The following MICAL2 variants were observed in gnomAD, a reference collection of about 807,000 sequenced individuals.
The protein encoded by MICAL2 is microtubule associated monooxygenase, calponin and LIM domain containing 2.
In MICAL2, 77 loss-of-function variants were observed where a neutral mutation model predicts 127.3. That is an observed-to-expected ratio of 0.60 (90% CI 0.50 to 0.73). MICAL2 has a LOEUF of 0.73. MICAL2 is among the 30% of genes least tolerant of loss of function. MICAL2 has a pLI of 0.00. For synonymous variants in MICAL2, 570 were observed against 551.1 expected, an observed-to-expected ratio of 1.03 and a Z score of -0.48; for missense variants, 1,351 against 1,434.4, an observed-to-expected ratio of 0.94 and a Z score of 0.94.
In MICAL2 at chr11:12,269,940, G is replaced by C. The variant is rs185210108; in HGVS notation, c.3335-6046G>C. Among the ~76,000 whole-genome samples the C allele has an allele frequency of 2.0e-5, 3 of 152,324 alleles. No individual in the cohort carries two copies. In the East Asian group the frequency reaches 5.8e-4, roughly 29 times the overall value. On this transcript the variant is annotated intron_variant, in intron 24 of 34. Transcript: ENST00000646065. ...GAGGCCGAAGATTGCCCATCAATTG[G>C]TTCACCCCCTGAAGATCCGTGGACT...
intron 32 of MICAL2, among the ~76,000 whole-genome samples, chr11:12,338,716 C>G (rs1938809620): frequency 1.3e-5 from 2 of 152,130 alleles, no homozygotes; most frequent in Admixed American, 6.6e-5. Flanking sequence ...ACTTATGAAG[C>G]TTAGTTTGGC....
chr11:12,342,363 A>G (rs964870489), intron 32 of MICAL2, among the ~76,000 whole-genome samples: 2 of 152,236 alleles, frequency 1.3e-5, no homozygotes, highest in African/African-American at 4.8e-5. Context: ...AGAAGTGCGG[A>G]TGATCTACGC....
chr11:12,291,429 TAGA>T (rs1289505449), downstream of MICAL2, among the ~76,000 whole-genome samples: 2 of 152,152 alleles, frequency 1.3e-5, no homozygotes, highest in Non-Finnish European at 2.9e-5. Context: ...CTAAGCAGAC[TAGA>T]TGATCTCAGC....
intron 26 of MICAL2, chr11:12,260,341 C>CCTT (rs1862934151): frequency 2.1e-6 from 3 of 1,403,336 alleles, no homozygotes; most frequent in Non-Finnish European, 2.8e-6. Context: ...TCAGGGTGAA[C>CCTT]ATCTACTCAC....
At chr11:12,351,836 G>T (rs1193508653) in intron 33 of MICAL2, among the ~76,000 whole-genome samples, 1 of 151,794 alleles carries the variant, frequency 6.6e-6, no homozygotes, top group East Asian at 1.9e-4. Flanking sequence ...TTTCACCCTG[G>T]CTGGAGTGCA....
At chr11:12,221,866 TC>T in intron 10 of MICAL2, 107 bp downstream of exon 10, 1 of 769,404 alleles carries the variant, frequency 1.3e-6, no homozygotes, top group Non-Finnish European at 2.1e-6. Context: ...AGCCTCTGCC[TC>T]CTCCATTCTA....
chr11:12,222,780 G>C, intron 11 of MICAL2, 37 bp downstream of exon 11: 1 of 1,612,282 alleles, frequency 6.2e-7, no homozygotes, highest in Non-Finnish European at 8.5e-7. Context: ...GAATCACTCT[G>C]CACTGAACAG....
At chr11:12,150,387 A>AAGG (rs1853435581) in intron 2 of MICAL2, among the ~76,000 whole-genome samples, 2 of 152,012 alleles carry the variant, frequency 1.3e-5, no homozygotes, top group Admixed American at 6.6e-5. Flanking sequence ...TGACCGTACC[A>AAGG]CTGCTCTCCA....
At chr11:12,228,830 T>G (rs1334671013) in intron 15 of MICAL2, among the ~76,000 whole-genome samples, 1 of 151,584 alleles carries the variant, frequency 6.6e-6, no homozygotes, top group East Asian at 1.9e-4. Flanking sequence ...AGGACTGGAG[T>G]GGGGAGTTCC....
intron 2 of MICAL2, among the ~76,000 whole-genome samples, chr11:12,283,370 C>T (rs1358732087): frequency 6.8e-6 from 1 of 146,430 alleles, no homozygotes; most frequent in Admixed American, 6.9e-5. Flanking sequence ...AAAGACTCTA[C>T]GTTGGTCCAG....
chr11:12,142,584 CA>C (rs757937246), intron 2 of MICAL2, among the ~76,000 whole-genome samples: 3 of 152,210 alleles, frequency 2.0e-5, no homozygotes, highest in Non-Finnish European at 4.4e-5. Context: ...GCACATAAAC[CA>C]GAATGGAAAC....
downstream of MICAL2, among the ~76,000 whole-genome samples, chr11:12,291,820 A>G (rs1414433194): frequency 1.3e-5 from 2 of 152,172 alleles, no homozygotes; most frequent in East Asian, 3.9e-4. Context: ...TGGTTTTAGG[A>G]TGCTCTTTGG....
At chr11:12,356,748 G>T (rs1939134739) in intron 34 of MICAL2, among the ~76,000 whole-genome samples, 2 of 152,208 alleles carry the variant, frequency 1.3e-5, no homozygotes, top group South Asian at 4.1e-4. Context: ...CCACTAGCCA[G>T]CTGTCTCTGG....
At chr11:12,310,265 A>G (rs987815132) in intron 29 of MICAL2, among the ~76,000 whole-genome samples, 3 of 152,090 alleles carry the variant, frequency 2.0e-5, no homozygotes, top group Admixed American at 2.0e-4. Flanking sequence ...CCAATGTCCT[A>G]TAGCGCTTCT....
At chr11:12,309,728 A>C (rs1373542609) in intron 29 of MICAL2, among the ~76,000 whole-genome samples, 1 of 152,028 alleles carries the variant, frequency 6.6e-6, no homozygotes, top group Non-Finnish European at 1.5e-5. Flanking sequence ...TTCTGTTTTT[A>C]GTTTTTTGAG....
At chr11:12,320,555 A>G (rs1022803638) in intron 30 of MICAL2, among the ~76,000 whole-genome samples, 1 of 152,150 alleles carries the variant, frequency 6.6e-6, no homozygotes, top group African/African-American at 2.4e-5. Context: ...GGCAGGGGTT[A>G]TTGAATGGTT....
At position 12,162,262 on chromosome 11, in the gene MICAL2, C is replaced by T. The variant is rs769731363; in HGVS notation, c.107C>T (p.Thr36Ile). The T allele has an allele frequency of 1.2e-5, 20 of 1,614,146 alleles. No individual in the cohort carries two copies. Among genetic ancestry groups the T allele is most frequent in the Non-Finnish European group, 1.6e-5 (19 of 1,180,062 alleles). ...KGTLQAFNIL[T>I]RHLDLDPLDH... ...ACCCTCCAGGCCTTCAACATTCTCACACGACACCTGGACCTAGACCCTCTG... is the reference window on the plus strand; with the variant it reads ...ACCCTCCAGGCCTTCAACATTCTCATACGACACCTGGACCTAGACCCTCTG... The change falls in exon 3 of 28, where the codon ACA becomes ATA. Residue 36 changes from threonine to isoleucine, a missense_variant. By Grantham distance (89) the Thr-to-Ile change is moderately conservative. Around this residue, in one of 2 missense-constraint regions of MICAL2, gnomAD observed 599 missense variants for 714.9 expected, o/e 0.84. Coordinates refer to ENST00000683283, the MANE Select transcript of MICAL2 (RefSeq NM_001282663.2).
chr11:12,346,117 C>T (rs1215749523), intron 32 of MICAL2, among the ~76,000 whole-genome samples: 1 of 152,210 alleles, frequency 6.6e-6, no homozygotes, highest in African/African-American at 2.4e-5. Flanking sequence ...GTACACAGCC[C>T]TGCAGTGGGC....
chr11:12,156,757 C>G (rs1854230286), intron 2 of MICAL2, among the ~76,000 whole-genome samples: 1 of 152,212 alleles, frequency 6.6e-6, no homozygotes, highest in Non-Finnish European at 1.5e-5. Context: ...TGGAAGGCAT[C>G]TCGCACTGCT....
Sources: gnomAD v4.1 joint callset for allele counts (sites outside exome capture counted in the v4.1 genomes callset) on GRCh38, gnomAD v4.1.1 for gene constraint, gnomAD v4.1.1 regional missense constraint, MANE v1.5 for transcripts, NCBI Gene and HGNC (gene_info 2026-07-23, HGNC 2026-07-21) for gene names.